The following ARHGEF7 variants were observed in gnomAD, a reference collection of about 807,000 sequenced individuals.
The protein encoded by ARHGEF7 is PAK-interacting exchange factor beta.
A neutral mutation model predicts 109.8 loss-of-function variants in ARHGEF7; 33 were observed. The observed-to-expected ratio is 0.30, with a 90% CI of 0.23 to 0.40. The LOEUF is 0.40. Ranked by LOEUF, ARHGEF7 falls within the 10% of genes least tolerant of loss-of-function variation. The pLI is 1.00. For synonymous variants in ARHGEF7, 458 were observed against 424.6 expected (o/e 1.08, Z -0.97); for missense variants, 938 against 1,098.5 (o/e 0.85, Z 2.07).
intron 19 of ARHGEF7, chr13:111,293,461 C>T (rs368449726): frequency 7.9e-5 from 78 of 984,368 alleles, no homozygotes; most frequent in African/African-American, 2.1e-4. Flanking sequence ...AAAACTCACC[C>T]GTTTTCCTGG....
chr13:111,195,341 A>G (rs1370126808), intron 2 of ARHGEF7, among the ~76,000 whole-genome samples: 1 of 152,172 alleles, frequency 6.6e-6, no homozygotes, highest in East Asian at 1.9e-4. Flanking sequence ...CTCCCTAATA[A>G]GGGTGTGGGA....
chr13:111,288,716 G>A (rs2093134906), intron 18 of ARHGEF7, among the ~76,000 whole-genome samples: 1 of 152,222 alleles, frequency 6.6e-6, no homozygotes, highest in African/African-American at 2.4e-5. Context: ...GGTATTGCCA[G>A]AATTCATAAT....
intron 3 of ARHGEF7, among the ~76,000 whole-genome samples, chr13:111,206,175 A>G (rs1290630561): frequency 6.6e-6 from 1 of 151,626 alleles, no homozygotes; most frequent in Non-Finnish European, 1.5e-5. Flanking sequence ...CTTTTCAAAC[A>G]GAAACCTCCT....
intron 1 of ARHGEF7, among the ~76,000 whole-genome samples, chr13:111,141,801 G>A (rs1351131423): frequency 6.6e-6 from 1 of 152,204 alleles, no homozygotes; most frequent in African/African-American, 2.4e-5. Flanking sequence ...GCAGGGTTTT[G>A]TGTGGACATA....
At chr13:111,121,694 C>T (rs1384981535) in intron 1 of ARHGEF7, among the ~76,000 whole-genome samples, 1 of 152,182 alleles carries the variant, frequency 6.6e-6, no homozygotes, top group East Asian at 1.9e-4. Flanking sequence ...GACTGGCATC[C>T]CCCGAACCCA....
intron 4 of ARHGEF7, among the ~76,000 whole-genome samples, chr13:111,210,421 A>T (rs2082355447): frequency 6.6e-6 from 1 of 152,262 alleles, no homozygotes; most frequent in Non-Finnish European, 1.5e-5. Context: ...TCTTCTCTTC[A>T]TGAAAGCATG....
At chr13:111,256,339 T>G (rs1377945427) in intron 8 of ARHGEF7, among the ~76,000 whole-genome samples, 1 of 152,108 alleles carries the variant, frequency 6.6e-6, no homozygotes, top group Non-Finnish European at 1.5e-5. Flanking sequence ...CGCTTTGATG[T>G]TTTTAGCCAC....
intron 2 of ARHGEF7, among the ~76,000 whole-genome samples, chr13:111,166,130 A>G (rs1365530937): frequency 6.6e-6 from 1 of 152,174 alleles, no homozygotes; most frequent in Non-Finnish European, 1.5e-5. Flanking sequence ...CACCTGGATC[A>G]CTGCAGCAGC....
chr13:111,115,286 G>C (rs1006441850), upstream of ARHGEF7: 1 of 150,172 alleles, frequency 6.7e-6, no homozygotes, highest in African/African-American at 2.4e-5. Context: ...GGCGGCCGAG[G>C]CCGGGGGGCG....
intron 19 of ARHGEF7, among the ~76,000 whole-genome samples, chr13:111,299,192 C>T (rs780882364): frequency 3.9e-5 from 6 of 152,316 alleles, no homozygotes; most frequent in Non-Finnish European, 7.3e-5. Context: ...AGGCCTGGTT[C>T]CTGTTGCACG....
intron 4 of ARHGEF7, among the ~76,000 whole-genome samples, chr13:111,216,849 C>T (rs920759230): frequency 6.6e-6 from 1 of 152,228 alleles, no homozygotes; most frequent in African/African-American, 2.4e-5. Flanking sequence ...GCCTCCAGAG[C>T]TCTGTCCGGG....
chr13:111,276,084 A>T (rs2092462126), intron 12 of ARHGEF7: 1 of 198,374 alleles, frequency 5.0e-6, no homozygotes, highest in Non-Finnish European at 1.1e-5. Flanking sequence ...CTTTCCTGTG[A>T]AAGTATGCTA....
At chr13:111,207,931 G>A (rs2082080475) in intron 3 of ARHGEF7, among the ~76,000 whole-genome samples, 1 of 152,202 alleles carries the variant, frequency 6.6e-6, no homozygotes, top group Admixed American at 6.5e-5. Context: ...CATAAACTTG[G>A]TACTTTTAAG....
chr13:111,153,589 C>A lies in ARHGEF7; in HGVS notation c.166-316C>A, dbSNP rs893624584. ...TGGGCTGCGTCCGCGGGGGCGAACA[C>A]CCGACGCTATCCGAAGACGTCCCGC... On this transcript the variant is annotated intron_variant, in intron 1 of 21. Transcript: ENST00000646102. 22 of 1,115,382 alleles carry A rather than the reference C, an allele frequency of 2.0e-5. No homozygotes were observed. The African/African-American group carries it at 2.5e-4, about 13-fold the overall frequency. 69.1% of individuals were successfully genotyped at this position (1,115,382 alleles called of 1,614,324 possible). A position where few individuals can be genotyped will look rare whatever the true frequency, so the allele number is the denominator to read the frequency against.
At chr13:111,253,988 T>G (rs2090106514) in intron 8 of ARHGEF7, among the ~76,000 whole-genome samples, 1 of 152,206 alleles carries the variant, frequency 6.6e-6, no homozygotes, top group Admixed American at 6.5e-5. Flanking sequence ...TCTGGCTACC[T>G]GGGAGATCAC....
intron 2 of ARHGEF7, among the ~76,000 whole-genome samples, chr13:111,170,687 T>C (rs1388192258): frequency 5.9e-5 from 9 of 152,154 alleles, no homozygotes; most frequent in African/African-American, 2.2e-4. Flanking sequence ...TGTTGGGAGA[T>C]GATGGTGGCT....
intron 1 of ARHGEF7, among the ~76,000 whole-genome samples, chr13:111,147,476 G>A (rs989290401): frequency 1.3e-5 from 2 of 152,112 alleles, no homozygotes; most frequent in East Asian, 3.9e-4. Context: ...CTGACCATTC[G>A]TTTGTATAGC....
chr13:111,238,558 G>C (rs1326522277), intron 6 of ARHGEF7, among the ~76,000 whole-genome samples: 1 of 152,208 alleles, frequency 6.6e-6, no homozygotes, highest in Admixed American at 6.5e-5. Flanking sequence ...AAGGTGGCCT[G>C]ATCATATAAT....
chr13:111,154,374 A>G (rs2076133449), intron 2 of ARHGEF7, among the ~76,000 whole-genome samples: 1 of 152,176 alleles, frequency 6.6e-6, no homozygotes, highest in Non-Finnish European at 1.5e-5. Flanking sequence ...ATTGTCATCT[A>G]AGGGCTGGCA....
Sources: allele counts gnomAD v4.1 joint callset (sites outside exome capture counted in the v4.1 genomes callset), GRCh38; gene constraint gnomAD v4.1.1; transcripts MANE v1.5; gene names NCBI Gene and HGNC (gene_info 2026-07-23, HGNC 2026-07-21).